Variants in ADCY9 observed in about 807,000 individuals in gnomAD.
The protein encoded by ADCY9 is adenylate cyclase type 9.
A neutral mutation model predicts 101.5 loss-of-function variants in ADCY9; 50 were observed. That is an observed-to-expected ratio of 0.49 (90% confidence interval 0.39 to 0.62). ADCY9 has a LOEUF of 0.62. ADCY9 is among the 20% of genes least tolerant of loss of function. ADCY9 has a pLI of 0.00. For synonymous variants in ADCY9, 905 were observed against 769.3 expected, an observed-to-expected ratio of 1.18 and a Z score of -2.92; for missense variants, 1,662 against 1,800.4, an observed-to-expected ratio of 0.92 and a Z score of 1.39.
intron 7 of ADCY9, among the ~76,000 whole-genome samples, chr16:3,979,763 G>T (rs2056125157): frequency 6.6e-6 from 1 of 152,244 alleles, no homozygotes; most frequent in Non-Finnish European, 1.5e-5. Flanking sequence ...TGTCCTGCAT[G>T]TGGGCAGGTG....
At chr16:3,991,969 G>C (rs1446674862) in intron 5 of ADCY9, among the ~76,000 whole-genome samples, 177 bp downstream of exon 5, 1 of 151,530 alleles carries the variant, frequency 6.6e-6, no homozygotes, top group Non-Finnish European at 1.5e-5. Flanking sequence ...TACTTGGGAG[G>C]CTGAGGCAGG....
chr16:4,069,941 CA>C (rs1386449064), intron 2 of ADCY9, among the ~76,000 whole-genome samples: 1 of 151,946 alleles, frequency 6.6e-6, no homozygotes, highest in African/African-American at 2.4e-5. Flanking sequence ...ACTAAAAGTA[CA>C]AAAAAATTAG....
chr16:4,051,339 C>T (rs1462533905), intron 2 of ADCY9, among the ~76,000 whole-genome samples: 2 of 151,900 alleles, frequency 1.3e-5, no homozygotes, highest in African/African-American at 4.8e-5. Flanking sequence ...TCCTGGTTAA[C>T]ACAGTGAAAC....
At chr16:4,042,132 C>T (rs1321045441) in intron 2 of ADCY9, among the ~76,000 whole-genome samples, 1 of 151,936 alleles carries the variant, frequency 6.6e-6, no homozygotes. Context: ...ACCATGTTGG[C>T]CAGGCTGGTC....
At position 4,115,728 on chromosome 16, in the gene ADCY9, G is replaced by C. The variant is rs1057403650; in HGVS notation, c.-82C>G. 4.7e-6 allele frequency: 2 copies of C among 424,830 alleles called. No individual in the cohort carries two copies. The highest frequency in any genetic ancestry group is 7.8e-5 in the Admixed American group (2 of 25,510). The allele number at this position is 424,830 out of a possible 1,614,324, so 26.3% of individuals were successfully genotyped here. On this transcript the variant is annotated 5_prime_UTR_variant, in exon 1 of 11. Coordinates refer to ENST00000294016, the MANE Select transcript of ADCY9 (RefSeq NM_001116.4). The surrounding 1 kb of genome is among the most constrained non-coding windows in gnomAD (Gnocchi z 6.2). ...GGGTCCCCGCCGCGTGGCCGCCGTG[G>C]CTCCGGGACCGCTTTGCTCGCTCGC...
intron 2 of ADCY9, among the ~76,000 whole-genome samples, chr16:4,106,097 G>A (rs967147180): frequency 3.9e-5 from 6 of 152,114 alleles, no homozygotes; most frequent in African/African-American, 7.2e-5. Flanking sequence ...ACTTAACTCC[G>A]CAGAAAGGAT....
chr16:4,034,079 G>A lies in ADCY9; in HGVS notation c.1694-26521C>T, dbSNP rs754280994. 5.3e-5 allele frequency among the ~76,000 whole-genome samples: 8 copies of A among 152,148 alleles called. No individual in the cohort carries two copies. In the East Asian group the frequency reaches 7.7e-4, roughly 15 times the overall value. On this transcript the variant is annotated intron_variant, in intron 2 of 10. Transcript: ENST00000294016. ...AAGAGGTACAGGCCTGATGGCTGCC[G>A]TGCGCCAACAAGGTGAGCCTGCAGA...
chr16:3,971,430 T>C (rs1486773240), intron 10 of ADCY9, among the ~76,000 whole-genome samples: 1 of 152,178 alleles, frequency 6.6e-6, no homozygotes, highest in Non-Finnish European at 1.5e-5. Flanking sequence ...ATACGGGCTT[T>C]GTGACTCAAC....
chr16:3,969,600 A>G (rs865778236), intron 10 of ADCY9, among the ~76,000 whole-genome samples: 12 of 82,186 alleles, frequency 1.5e-4, no homozygotes, highest in African/African-American at 8.5e-4. Flanking sequence ...ATATATATAT[A>G]TATATATATG....
chr16:4,052,286 G>A (rs1340108072), intron 2 of ADCY9, among the ~76,000 whole-genome samples: 1 of 152,198 alleles, frequency 6.6e-6, no homozygotes, highest in African/African-American at 2.4e-5. Flanking sequence ...GGTCCTGGGC[G>A]GGCTCCGGGG....
chr16:4,008,154 T>A (rs1391569858), intron 2 of ADCY9, among the ~76,000 whole-genome samples: 1 of 151,958 alleles, frequency 6.6e-6, no homozygotes, highest in Admixed American at 6.6e-5. Flanking sequence ...TCAGCTTTTG[T>A]TAAGCTGAGG....
chr16:4,097,528 C>CATATATAT (rs1166805300), intron 2 of ADCY9, among the ~76,000 whole-genome samples: 12 of 64,540 alleles, frequency 1.9e-4, no homozygotes, highest in East Asian at 1.0e-3. Flanking sequence ...TACATATGTA[C>CATATATAT]ATATATATAT....
At chr16:3,981,097 A>G (rs2056138696) in intron 7 of ADCY9, among the ~76,000 whole-genome samples, 1 of 152,298 alleles carries the variant, frequency 6.6e-6, no homozygotes, top group South Asian at 2.1e-4. Context: ...GAAGCCTTTC[A>G]GGGTCTGGGC....
chr16:4,029,557 G>A (rs1047308644), intron 2 of ADCY9, among the ~76,000 whole-genome samples: 1 of 152,166 alleles, frequency 6.6e-6, no homozygotes, highest in African/African-American at 2.4e-5. Flanking sequence ...GAGCAGCCTG[G>A]CCAACATGGT....
chr16:4,101,826 T>C (rs1398077733), intron 2 of ADCY9, among the ~76,000 whole-genome samples: 1 of 152,008 alleles, frequency 6.6e-6, no homozygotes, highest in African/African-American at 2.4e-5. Context: ...TCCTCAACCA[T>C]CGAGGGGCCC....
chr16:3,966,051 G>C lies in ADCY9; in HGVS notation c.3786C>G (p.Ile1262Met). ...CGATGCTGCCATCCACCTGGACGCG[G>C]ATGTCTGGGGAGATGGACAGCTGGT... ...PQHQLSISPDIRVQVDGSIGR... is the reference protein window; with the variant it reads ...PQHQLSISPDMRVQVDGSIGR... Residue 1262 changes from isoleucine (I) to methionine (M), a missense_variant, in exon 11 of 11, where the codon ATC (isoleucine) becomes ATG (methionine). Transcript: ENST00000294016. 1 of 1,614,220 alleles carries C rather than the reference G, an allele frequency of 6.2e-7. No homozygotes were observed. Among genetic ancestry groups the C allele is most frequent in the Non-Finnish European group, 8.5e-7 (1 of 1,180,044 alleles).
chr16:4,033,880 T>G (rs1180186519), intron 2 of ADCY9, among the ~76,000 whole-genome samples: 1 of 152,168 alleles, frequency 6.6e-6, no homozygotes, highest in African/African-American at 2.4e-5. Flanking sequence ...GTTTTGAGGA[T>G]TAAATGAGTA....
chr16:3,955,857 G>A (rs917359789), intron 5 of ADCY9, among the ~76,000 whole-genome samples: 1 of 140,268 alleles, frequency 7.1e-6, no homozygotes, highest in Non-Finnish European at 1.5e-5. Context: ...CCAAAATTTA[G>A]GTTTTTTTAA....
chr16:4,064,922 CA>C (rs2141163663), intron 2 of ADCY9, among the ~76,000 whole-genome samples: 2 of 152,326 alleles, frequency 1.3e-5, no homozygotes, highest in East Asian at 3.9e-4. Flanking sequence ...GATCCTTGCC[CA>C]GTCCACTCCT....
Sources: allele counts gnomAD v4.1 joint callset (sites outside exome capture counted in the v4.1 genomes callset), GRCh38; gene constraint gnomAD v4.1.1; non-coding constraint Gnocchi (gnomAD v3.1); transcripts MANE v1.5; gene names NCBI Gene and HGNC (gene_info 2026-07-23, HGNC 2026-07-21).